The following PREX1 variants were observed in gnomAD, a reference collection of about 807,000 sequenced individuals.
PREX1 encodes the protein phosphatidylinositol-3,4,5-trisphosphate dependent Rac exchange factor 1.
PREX1 carries 41 observed loss-of-function variants against 198.3 expected under a neutral mutation model. The observed-to-expected ratio is 0.21, with a 90% CI of 0.16 to 0.27. The LOEUF (loss-of-function observed/expected upper bound fraction) is 0.27, where lower values mean the gene tolerates loss of function less well. Ranked by LOEUF, PREX1 falls within the 10% of genes least tolerant of loss-of-function variation. PREX1 has a pLI of 1.00. For missense variants in PREX1, 1,620 were observed against 2,200.7 expected, an observed-to-expected ratio of 0.74 and a Z score of 5.28; for synonymous variants, 843 against 887.2, an observed-to-expected ratio of 0.95 and a Z score of 0.89.
In PREX1 at chr20:48,645,790, G is replaced by A. The variant is rs376419247; in HGVS notation, c.3512+61C>T. 8.2e-5 allele frequency: 128 copies of A among 1,561,742 alleles called. 1 individual carries two copies. In the African/African-American group the frequency reaches 1.0e-3, roughly 13 times the overall value. On this transcript the variant is annotated intron_variant, in intron 26 of 39. Coordinates refer to ENST00000371941, the MANE Select transcript of PREX1 (RefSeq NM_020820.4). The stretch of plus-strand genomic sequence containing the variant: ...CTGATTCTGATGTTGCCACGGGTCC[G>A]TGGCCTCACCTGTCCAGGGCCATCC...
rs2089752486 is a variant in PREX1, at chr20:48,681,701, TGGAC to T, written c.1335-370_1335-367del. Among the ~76,000 whole-genome samples the T allele has an allele frequency of 5.9e-5, 9 of 151,950 alleles. No homozygotes were observed. In the South Asian group the frequency reaches 6.2e-4, roughly 11 times the overall value. On this transcript the variant is annotated intron_variant, in intron 10 of 39. Coordinates refer to ENST00000371941, the MANE Select transcript of PREX1 (RefSeq NM_020820.4). ...ATAGATGGATGGATGGATGGATGGA[TGGAC>T]GGACGGATGGATGTCCGGCCAGACA...
At chr20:48,822,633 G>A (rs1479914942) in intron 1 of PREX1, among the ~76,000 whole-genome samples, 3 of 151,962 alleles carry the variant, frequency 2.0e-5, no homozygotes, top group Non-Finnish European at 2.9e-5. Context: ...AAATATATTC[G>A]CATACATATG....
chr20:48,668,772 G>T (rs2089656557), intron 14 of PREX1, among the ~76,000 whole-genome samples: 1 of 152,326 alleles, frequency 6.6e-6, no homozygotes, highest in South Asian at 2.1e-4. Flanking sequence ...CCTGCCAGGG[G>T]TGGTGGCTAT....
intron 37 of PREX1, 122 bp downstream of exon 37, chr20:48,629,327 A>G: frequency 1.5e-6 from 2 of 1,306,594 alleles, no homozygotes; most frequent in African/African-American, 1.5e-5. Context: ...CCAAGGCTCT[A>G]CAGGCAATGG....
the PREX1 span, among the ~76,000 whole-genome samples, chr20:48,882,075 T>C: frequency 3.3e-5 from 5 of 152,208 alleles, no homozygotes; most frequent in Admixed American, 3.3e-4. Context: ...TGCTACAGCA[T>C]GTATCAGTTC....
At chr20:48,815,256 G>C (rs1243498743) in intron 1 of PREX1, among the ~76,000 whole-genome samples, 1 of 152,188 alleles carries the variant, frequency 6.6e-6, no homozygotes, top group Non-Finnish European at 1.5e-5. Context: ...AGGATATACA[G>C]ATCTGAACAA....
At chr20:48,720,581 T>A (rs1458496190) in intron 5 of PREX1, among the ~76,000 whole-genome samples, 2 of 152,162 alleles carry the variant, frequency 1.3e-5, no homozygotes, top group Non-Finnish European at 2.9e-5. Context: ...CACTGTTTTT[T>A]AATGTTGGCT....
rs181126636 is a variant in PREX1 at position 48,718,564 on chromosome 20, T to A, written c.621+7726A>T. Among the ~76,000 whole-genome samples, 191 of 152,104 alleles carry A rather than the reference T, an allele frequency of 1.3e-3. 1 individual carries two copies. Among genetic ancestry groups the A allele is most frequent in the Admixed American group, 2.8e-3 (43 of 15,294 alleles). ...AATATATTAATAAACACAATAAATA[T>A]AAGTGGACGAAACGCTCCTGTTAGA... On this transcript the variant is annotated intron_variant, in intron 5 of 39. Transcript: ENST00000371941.
chr20:48,842,881 G>T, the PREX1 span, among the ~76,000 whole-genome samples: 6 of 152,108 alleles, frequency 3.9e-5, no homozygotes, highest in Non-Finnish European at 7.4e-5. Flanking sequence ...AATGTTTCCT[G>T]AGCCACTAAT....
At chr20:48,630,877 C>A in intron 35 of PREX1, 83 bp from the exon 36 acceptor site, 1 of 1,034,748 alleles carries the variant, frequency 9.7e-7, no homozygotes. Flanking sequence ...CTCCTGCAGC[C>A]ACCGTGACTC....
chr20:48,837,411 G>A, the PREX1 span, among the ~76,000 whole-genome samples: 1 of 152,180 alleles, frequency 6.6e-6, no homozygotes, highest in Non-Finnish European at 1.5e-5. Flanking sequence ...CAAGGACATG[G>A]AATCAACCTG....
chr20:48,672,995 A>G (rs1404642839), intron 14 of PREX1, among the ~76,000 whole-genome samples: 1 of 152,042 alleles, frequency 6.6e-6, no homozygotes, highest in African/African-American at 2.4e-5. Flanking sequence ...AACCAAAAAC[A>G]GCCCCTGATA....
At chr20:48,866,424 C>T in the PREX1 span, among the ~76,000 whole-genome samples, 1 of 152,090 alleles carries the variant, frequency 6.6e-6, no homozygotes, top group East Asian at 1.9e-4. Flanking sequence ...AGAACTCCAG[C>T]CCAGGACCAC....
In PREX1 at chr20:48,792,158, G is replaced by A. The variant is rs895027551; in HGVS notation, c.219+35484C>T. Among the ~76,000 whole-genome samples the A allele has an allele frequency of 5.9e-5, 9 of 152,296 alleles. No homozygotes were observed. In the East Asian group the frequency reaches 1.7e-3, roughly 29 times the overall value. ...CTGTCTCCCCAACATCCAAGGCCCA[G>A]GGCTTGAGGCATTGTTTTATAAAAA... On this transcript the variant is annotated intron_variant, in intron 1 of 39. Coordinates refer to ENST00000371941, the MANE Select transcript of PREX1 (RefSeq NM_020820.4).
intron 1 of PREX1, among the ~76,000 whole-genome samples, chr20:48,774,231 T>C (rs1336361510): frequency 6.6e-6 from 1 of 152,218 alleles, no homozygotes; most frequent in Non-Finnish European, 1.5e-5. Context: ...TGCATTCAAC[T>C]GCAATCGTGC....
At chr20:48,883,026 C>T in the PREX1 span, among the ~76,000 whole-genome samples, 2 of 151,530 alleles carry the variant, frequency 1.3e-5, no homozygotes, top group Admixed American at 6.6e-5. Flanking sequence ...CTCAGCCTCC[C>T]GGGTTCAAGC....
chr20:48,791,131 G>A (rs1238868090), intron 1 of PREX1, among the ~76,000 whole-genome samples: 2 of 150,988 alleles, frequency 1.3e-5, no homozygotes, highest in African/African-American at 4.8e-5. Context: ...TAGCTGACTT[G>A]GAACTGTGCA....
intron 3 of PREX1, among the ~76,000 whole-genome samples, chr20:48,735,964 G>C (rs138701783): frequency 0.022 from 3,344 of 152,220 alleles, 50 homozygotes; most frequent in Non-Finnish European, 0.033. Context: ...GGCACAGAGT[G>C]ACTCCAGAAA....
chr20:48,726,219 T>C, intron 5 of PREX1, 71 bp downstream of exon 5: 1 of 1,340,942 alleles, frequency 7.5e-7, no homozygotes, highest in South Asian at 1.2e-5. Context: ...CTCAGATACT[T>C]GAACTAACAA....
Sources: allele counts gnomAD v4.1 joint callset (sites outside exome capture counted in the v4.1 genomes callset), GRCh38; gene constraint gnomAD v4.1.1; transcripts MANE v1.5; gene names NCBI Gene and HGNC (gene_info 2026-07-23, HGNC 2026-07-21).